DMRT2: variants seen among roughly 807,000 people sequenced by gnomAD.
DMRT2 encodes the protein doublesex- and mab-3-related transcription factor 2.
In DMRT2, 33 loss-of-function variants were observed where a neutral mutation model predicts 43.5. That is an observed-to-expected ratio of 0.76 (90% CI 0.58 to 1.01). The LOEUF (loss-of-function observed/expected upper bound fraction) is 1.01. DMRT2 is among the 50% of genes least tolerant of loss of function. The pLI, the probability that DMRT2 is intolerant of heterozygous loss-of-function variation, is 0.00. For synonymous variants in DMRT2, 395 were observed against 309.2 expected, an observed-to-expected ratio of 1.28 and a Z score of -2.91; for missense variants, 1,064 against 748.0, an observed-to-expected ratio of 1.42 and a Z score of -4.93.
Position 1,051,644 on chromosome 9 carries a change from G to A in DMRT2, c.31G>A (p.Gly11Arg). Residue 11 changes from glycine to arginine, a missense_variant, in exon 2 of 4, where the codon GGG becomes AGG. Coordinates refer to ENST00000358146, the MANE Select transcript of DMRT2 (RefSeq NM_181872.6). This position sits in a 1 kb window ranked among gnomAD's most constrained non-coding sequence, Gnocchi z 5.9. Reference sequence around the variant, plus strand: ...CGACCCGCAGGCTGGCTCCGCGGCCGGGGACTGGGAGATCGATGTCGAGAG... The same window carrying A: ...CGACCCGCAGGCTGGCTCCGCGGCCAGGGACTGGGAGATCGATGTCGAGAG... MADPQAGSAA[G>R]DWEIDVESLE... The A allele has an allele frequency of 2.6e-6, 4 of 1,565,966 alleles. No homozygotes were observed. The highest frequency in any genetic ancestry group is 3.4e-6 in the Non-Finnish European group (4 of 1,165,124).
chr9:1,056,565 C>G lies in DMRT2; in HGVS notation c.978C>G (p.Val326=), dbSNP rs773017461. The G allele has an allele frequency of 6.2e-7, 1 of 1,614,206 alleles. No homozygotes were observed. The highest frequency in any genetic ancestry group is 1.1e-5 in the South Asian group (1 of 91,084). Residue 326 remains valine (V), a synonymous_variant, in exon 4 of 4, where the codon GTC becomes GTG. Coordinates refer to ENST00000358146, the MANE Select transcript of DMRT2 (RefSeq NM_181872.6). ...SGNMELISSN[V]SVATTYRQYP... The stretch of plus-strand genomic sequence containing the variant: ...ATATGGAACTAATTTCTTCTAATGT[C>G]AGCGTGGCCACAACTTATAGACAGT...
rs551354184 is a variant in DMRT2 at position 1,056,231 on chromosome 9, C to T, written c.644C>T (p.Pro215Leu). 1.2e-6 allele frequency: 2 copies of T among 1,609,596 alleles called. No individual in the cohort carries two copies. The highest frequency in any genetic ancestry group is 3.4e-5 in the Admixed American group (2 of 58,960). Residue 215 changes from proline (P) to leucine (L), a missense_variant, in exon 4 of 4, where the codon CCA becomes CTA. Coordinates refer to ENST00000358146, the MANE Select transcript of DMRT2 (RefSeq NM_181872.6). ...CTTCTTGTAGGCTATCGCCCCATTC[C>T]AGCGGAGACTTATGTAGGAGGGACC... ...KSILEGYRPIPAETYVGGTFP... is the reference protein window; with the variant it reads ...KSILEGYRPILAETYVGGTFP...
rs200578433 is a variant in DMRT2, at chr9:1,054,424, TG to T, written c.628+602del. 5.6e-3 allele frequency among the ~76,000 whole-genome samples: 827 copies of T among 146,702 alleles called. 7 individuals are homozygous for T. Among genetic ancestry groups the T allele is most frequent in the African/African-American group, 0.019 (759 of 39,236 alleles). Reference sequence around the variant, plus strand: ...TTCATTGTACTTTTTTTTTTTTTTTTGGATTACTTGGATAATTCCTATTATT... The same window carrying T: ...TTCATTGTACTTTTTTTTTTTTTTTTGATTACTTGGATAATTCCTATTATT... On this transcript the variant is annotated intron_variant, in intron 3 of 3. Coordinates refer to ENST00000358146, the MANE Select transcript of DMRT2 (RefSeq NM_181872.6).
chr9:1,055,606 T>A (rs1439181921), intron 3 of DMRT2: 1 of 1,016,764 alleles, frequency 9.8e-7, no homozygotes, highest in African/African-American at 1.7e-5. Flanking sequence ...GTAGAGTGTG[T>A]TTGACTAGTT....
Position 1,051,522 on chromosome 9 carries a change from T to C in DMRT2, c.-44-48T>C. The C allele has an allele frequency of 1.4e-6, 2 of 1,422,726 alleles. No individual in the cohort carries two copies. Among genetic ancestry groups the C allele is most frequent in the Middle Eastern group, 1.9e-4 (1 of 5,252 alleles). The allele number at this position is 1,422,726 out of a possible 1,614,324, so 88.1% of individuals were successfully genotyped here. On this transcript the variant is annotated intron_variant, in intron 1 of 3. Coordinates refer to ENST00000358146, the MANE Select transcript of DMRT2 (RefSeq NM_181872.6). This position sits in a 1 kb window ranked among gnomAD's most constrained non-coding sequence, Gnocchi z 5.9. ...CTTTGGGCCGGAGGCTCAGGGATGG[T>C]CCCTGACGGCGGCCGGTGGGTCTTT...
chr9:1,055,679 T>G (rs371107724), intron 3 of DMRT2: 1 of 1,448,464 alleles, frequency 6.9e-7, no homozygotes, highest in East Asian at 2.5e-5. Context: ...CTTTTTCTAC[T>G]CGCTAATCTC....
At chr9:1,053,497 G>T (rs906771) in intron 2 of DMRT2, among the ~76,000 whole-genome samples, 3 of 151,894 alleles carry the variant, frequency 2.0e-5, no homozygotes, top group African/African-American at 7.3e-5. Flanking sequence ...ACTATGCTGC[G>T]GAAAGCAGGG....
chr9:1,055,803 T>C (rs1821941350), intron 3 of DMRT2: 1 of 1,505,544 alleles, frequency 6.6e-7, no homozygotes, highest in African/African-American at 1.5e-5. Flanking sequence ...GCTCTAGGTA[T>C]AGATATATTT....
At chr9:1,055,063 T>G (rs1348200426) in intron 3 of DMRT2, among the ~76,000 whole-genome samples, 5 of 152,252 alleles carry the variant, frequency 3.3e-5, no homozygotes, top group African/African-American at 1.2e-4. Flanking sequence ...TAAACAGATT[T>G]ATAATAATAG....
intron 3 of DMRT2, chr9:1,055,699 T>C: frequency 6.7e-7 from 1 of 1,484,758 alleles, no homozygotes; most frequent in Non-Finnish European, 9.0e-7. Context: ...CCTTTAACTT[T>C]CTTTCTTTCT....
At position 1,057,129 on chromosome 9, in the gene DMRT2, C is replaced by T. The variant is rs775136507; in HGVS notation, c.1542C>T (p.Tyr514=). Residue 514 remains tyrosine, a synonymous_variant, in exon 4 of 4, where the codon TAC becomes TAT. Coordinates refer to ENST00000358146, the MANE Select transcript of DMRT2 (RefSeq NM_181872.6). ...RECLVKDNQK[Y]TFTIDRCAKD... ...GTTTAGTTAAGGACAACCAGAAGTACACATTTACAATAGATAGATGTGCAA... is the reference window on the plus strand; with the variant it reads ...GTTTAGTTAAGGACAACCAGAAGTATACATTTACAATAGATAGATGTGCAA... 4 of 1,613,966 alleles carry T rather than the reference C, an allele frequency of 2.5e-6. No individual in the cohort carries two copies. Among genetic ancestry groups the T allele is most frequent in the Non-Finnish European group, 3.4e-6 (4 of 1,180,026 alleles).
intron 2 of DMRT2, chr9:1,053,064 A>G (rs1015512353): frequency 2.6e-5 from 4 of 152,278 alleles, no homozygotes; most frequent in Non-Finnish European, 5.9e-5. Flanking sequence ...CGCATGGGTC[A>G]TCGCCTGCCC....
In DMRT2 at chr9:1,051,274, A is replaced by G. The variant is rs1298561966; in HGVS notation, c.-44-296A>G. 6.6e-6 allele frequency among the ~76,000 whole-genome samples: 1 copy of G among 152,182 alleles called. No homozygotes were observed. ...ATATTTTGTGTGTGTGTGATAAGTGAGTTACCCAGGGACTTGTCCGGAAAG... is the reference window on the plus strand; with the variant it reads ...ATATTTTGTGTGTGTGTGATAAGTGGGTTACCCAGGGACTTGTCCGGAAAG... On this transcript the variant is annotated intron_variant, in intron 1 of 3. Coordinates refer to ENST00000358146, the MANE Select transcript of DMRT2 (RefSeq NM_181872.6). This position sits in a 1 kb window ranked among gnomAD's most constrained non-coding sequence, Gnocchi z 5.9.
intron 2 of DMRT2, among the ~76,000 whole-genome samples, chr9:1,052,611 T>C (rs954656540): frequency 2.0e-5 from 3 of 151,816 alleles, no homozygotes; most frequent in African/African-American, 7.3e-5. Context: ...GTTTGAGATA[T>C]CTAGAACACT....
chr9:1,053,022 C>A (rs143170670), intron 2 of DMRT2: 2 of 152,508 alleles, frequency 1.3e-5, no homozygotes, highest in Non-Finnish European at 2.9e-5. Flanking sequence ...GCCATGGGCA[C>A]CTGGTCCTGG....
intron 3 of DMRT2, chr9:1,055,757 A>G: frequency 1.3e-6 from 2 of 1,506,024 alleles, no homozygotes; most frequent in Non-Finnish European, 1.8e-6. Context: ...TTATGTGTAC[A>G]TAATGAACCA....
In DMRT2 at chr9:1,051,933, C is replaced by T; in HGVS notation, c.320C>T (p.Pro107Leu). ...AGTGPRERCT[P>L]AGGGAEPRKL... The stretch of plus-strand genomic sequence containing the variant: ...ACCGGTCCCCGAGAGCGCTGCACTC[C>T]CGCGGGCGGCGGCGCGGAGCCGCGC... Residue 107 changes from proline (P) to leucine (L), a missense_variant, in exon 2 of 4, where the codon CCC becomes CTC. Coordinates refer to ENST00000358146, the MANE Select transcript of DMRT2 (RefSeq NM_181872.6). This position sits in a 1 kb window ranked among gnomAD's most constrained non-coding sequence, Gnocchi z 5.9. 1 of 1,364,186 alleles carries T rather than the reference C, an allele frequency of 7.3e-7. No individual in the cohort carries two copies. Among genetic ancestry groups the T allele is most frequent in the Non-Finnish European group, 9.4e-7 (1 of 1,067,874 alleles). The allele number at this position is 1,364,186 out of a possible 1,614,324, so 84.5% of individuals were successfully genotyped here.
Position 1,055,882 on chromosome 9 carries a change from C to G in DMRT2, c.629-334C>G, listed in dbSNP as rs1032479709. ...ATTGATACAAGATAAATAGTCTTGT[C>G]TCTTAATGCGTAGGGGGCCTGGGAA... On this transcript the variant is annotated intron_variant, in intron 3 of 3. Transcript: ENST00000358146. The G allele has an allele frequency of 3.3e-6, 5 of 1,501,828 alleles. No homozygotes were observed. The African/African-American group carries it at 5.8e-5, about 18-fold the overall frequency. 93.0% of individuals were successfully genotyped at this position (1,501,828 alleles called of 1,614,324 possible).
In DMRT2 at chr9:1,056,658, G is replaced by A; in HGVS notation, c.1071G>A (p.Gln357=). 3 of 1,614,164 alleles carry A rather than the reference G, an allele frequency of 1.9e-6. No homozygotes were observed. Among genetic ancestry groups the A allele is most frequent in the Admixed American group, 1.7e-5 (1 of 60,018 alleles). The change falls in exon 4 of 4, where the codon CAG becomes CAA. Residue 357 remains glutamine (Q), a synonymous_variant. Transcript: ENST00000358146. ...CGPISDTLLY[Q]QCLLNATTSV... ...CCATTAGCGACACCCTCCTCTACCA[G>A]CAATGCCTGCTAAATGCCACCACCT... is the stretch of plus-strand genomic sequence containing the variant.
Sources: allele counts gnomAD v4.1 joint callset (sites outside exome capture counted in the v4.1 genomes callset), GRCh38; gene constraint gnomAD v4.1.1; non-coding constraint Gnocchi (gnomAD v3.1); transcripts MANE v1.5; gene names NCBI Gene and HGNC (gene_info 2026-07-23, HGNC 2026-07-21).